Variants in ZFAND3 observed in about 807,000 individuals in gnomAD.
ZFAND3 encodes the protein AN1-type zinc finger protein 3.
A neutral mutation model predicts 29.6 loss-of-function variants in ZFAND3; 10 were observed. That is an observed-to-expected ratio of 0.34 (90% CI 0.21 to 0.57). The LOEUF is 0.57. Among genes scored for constraint, ZFAND3 ranks in the 20% least tolerant of loss-of-function variants. ZFAND3 has a pLI of 0.86. For missense variants in ZFAND3, 230 were observed against 304.5 expected, an observed-to-expected ratio of 0.76 and a Z score of 1.82; for synonymous variants, 128 against 112.6, an observed-to-expected ratio of 1.14 and a Z score of -0.87.
intron 2 of ZFAND3, among the ~76,000 whole-genome samples, chr6:38,027,394 A>G (rs1173318544): frequency 6.6e-6 from 1 of 152,236 alleles, no homozygotes; most frequent in Non-Finnish European, 1.5e-5. Context: ...TGACTAGCCT[A>G]TCGAGATAAC....
chr6:37,831,935 A>G (rs985208269), intron 1 of ZFAND3, among the ~76,000 whole-genome samples: 1 of 152,180 alleles, frequency 6.6e-6, no homozygotes, highest in African/African-American at 2.4e-5. Context: ...AGCATGGATA[A>G]CAGATGATAT....
At chr6:38,149,863 C>T (rs1393584377) in intron 5 of ZFAND3, among the ~76,000 whole-genome samples, 3 of 152,184 alleles carry the variant, frequency 2.0e-5, no homozygotes, top group Non-Finnish European at 4.4e-5. Flanking sequence ...CCCTTGGGAC[C>T]TTCTGAATCA....
At chr6:38,033,731 CTT>C (rs1763607444) in intron 2 of ZFAND3, among the ~76,000 whole-genome samples, 1 of 152,142 alleles carries the variant, frequency 6.6e-6, no homozygotes, top group South Asian at 2.1e-4. Context: ...CTCCTTCTAT[CTT>C]TTGTTTTACT....
intron 2 of ZFAND3, among the ~76,000 whole-genome samples, chr6:37,989,667 T>A (rs1762727570): frequency 6.6e-6 from 1 of 151,736 alleles, no homozygotes; most frequent in Non-Finnish European, 1.5e-5. Flanking sequence ...GGGGAAAGAG[T>A]GTTAGGCAGA....
At chr6:38,010,802 T>G (rs1763136375) in intron 2 of ZFAND3, among the ~76,000 whole-genome samples, 1 of 151,952 alleles carries the variant, frequency 6.6e-6, no homozygotes, top group South Asian at 2.1e-4. Context: ...GGTTTCACCA[T>G]GTTGGCCAGG....
chr6:37,993,587 A>G (rs1318731441), intron 2 of ZFAND3, among the ~76,000 whole-genome samples: 1 of 152,120 alleles, frequency 6.6e-6, no homozygotes. Context: ...TTGGCCTCCC[A>G]AAGTGTTGGG....
intron 1 of ZFAND3, among the ~76,000 whole-genome samples, chr6:37,846,888 G>A (rs1764189626): frequency 6.6e-6 from 1 of 151,478 alleles, no homozygotes; most frequent in Non-Finnish European, 1.5e-5. Flanking sequence ...ATTTTTTGTA[G>A]TTTTAATAGA....
At chr6:37,937,091 T>G (rs1761711768) in intron 2 of ZFAND3, among the ~76,000 whole-genome samples, 1 of 152,220 alleles carries the variant, frequency 6.6e-6, no homozygotes, top group Admixed American at 6.5e-5. Context: ...TTTCATTTCC[T>G]GTTAGAATAC....
At chr6:37,922,407 T>G (rs1761399421) in intron 1 of ZFAND3, among the ~76,000 whole-genome samples, 1 of 152,182 alleles carries the variant, frequency 6.6e-6, no homozygotes, top group African/African-American at 2.4e-5. Context: ...TTGAAGAATA[T>G]TTAAGGCGTG....
intron 1 of ZFAND3, among the ~76,000 whole-genome samples, chr6:37,883,231 CACAA>C (rs1048260717): frequency 2.6e-5 from 4 of 152,074 alleles, no homozygotes; most frequent in African/African-American, 7.2e-5. Context: ...TGTACAAAAA[CACAA>C]ACAAAACTAA....
intron 4 of ZFAND3, among the ~76,000 whole-genome samples, chr6:38,095,444 A>G (rs907384851): frequency 4.0e-5 from 6 of 150,884 alleles, no homozygotes; most frequent in African/African-American, 1.5e-4. Context: ...TTTTTTTTCT[A>G]CAGTATTTGG....
intron 1 of ZFAND3, among the ~76,000 whole-genome samples, chr6:37,866,422 T>C: frequency 6.6e-6 from 1 of 152,204 alleles, no homozygotes; most frequent in East Asian, 1.9e-4. Context: ...AACCCCCACT[T>C]CTTTTTTTCT....
intron 2 of ZFAND3, among the ~76,000 whole-genome samples, chr6:38,013,746 A>T (rs568920149): frequency 6.6e-6 from 1 of 151,956 alleles, no homozygotes; most frequent in Non-Finnish European, 1.5e-5. Context: ...AACAAAAAAA[A>T]CCTCCAATGT....
At chr6:38,126,042 C>T (rs1471967525) in intron 5 of ZFAND3, among the ~76,000 whole-genome samples, 2 of 152,134 alleles carry the variant, frequency 1.3e-5, no homozygotes, top group Non-Finnish European at 2.9e-5. Context: ...TTGTACAATA[C>T]TTCCATCATC....
intron 2 of ZFAND3, among the ~76,000 whole-genome samples, chr6:38,012,375 G>GT (rs1461988163): frequency 3.6e-5 from 5 of 140,102 alleles, no homozygotes; most frequent in South Asian, 2.5e-4. Context: ...CTTTTTGATA[G>GT]TATTTTTTTT....
At chr6:37,971,695 TA>T (rs1458599003) in intron 2 of ZFAND3, among the ~76,000 whole-genome samples, 1 of 152,120 alleles carries the variant, frequency 6.6e-6, no homozygotes, top group Non-Finnish European at 1.5e-5. Context: ...CCTTATTAGC[TA>T]GTTGTTTCCC....
At chr6:37,825,520 AT>A (rs528994879) in intron 1 of ZFAND3, among the ~76,000 whole-genome samples, 24 of 149,012 alleles carry the variant, frequency 1.6e-4, no homozygotes, top group Admixed American at 2.0e-4. Context: ...CAGGGAAATA[AT>A]TTTTTTTTTT....
intron 3 of ZFAND3, among the ~76,000 whole-genome samples, chr6:38,072,222 C>G (rs886608229): frequency 6.6e-6 from 1 of 152,132 alleles, no homozygotes; most frequent in East Asian, 1.9e-4. Flanking sequence ...ACCATTTTTG[C>G]TCGTTGGTAT....
intron 2 of ZFAND3, among the ~76,000 whole-genome samples, chr6:37,932,411 T>A (rs1761615880): frequency 6.6e-6 from 1 of 151,452 alleles, no homozygotes; most frequent in Admixed American, 6.6e-5. Flanking sequence ...TGTATACAGG[T>A]TGAGAACCCC....
Sources: gnomAD v4.1 joint callset for allele counts (sites outside exome capture counted in the v4.1 genomes callset) on GRCh38, gnomAD v4.1.1 for gene constraint, MANE v1.5 for transcripts, NCBI Gene and HGNC (gene_info 2026-07-23, HGNC 2026-07-21) for gene names.